GPC5: variants seen among roughly 807,000 people sequenced by gnomAD.
GPC5 encodes the protein glypican-5.
GPC5 carries 47 observed loss-of-function variants against 53.9 expected under a neutral mutation model. The ratio of observed to expected loss-of-function variants is 0.87; its 90% confidence interval spans 0.69 to 1.11. GPC5 has a LOEUF of 1.11. Among genes scored for constraint, GPC5 ranks in the 50% most tolerant of loss-of-function variants. The pLI is 0.00. For missense variants in GPC5, 748 were observed against 713.1 expected (o/e 1.05, Z -0.56); for synonymous variants, 286 against 263.3 (o/e 1.09, Z -0.84).
chr13:91,755,952 T>C (rs373120025), intron 4 of GPC5, among the ~76,000 whole-genome samples: 1 of 151,990 alleles, frequency 6.6e-6, no homozygotes, highest in South Asian at 2.1e-4. Flanking sequence ...CTAAATGAAG[T>C]GATGTCGTTC....
intron 2 of GPC5, among the ~76,000 whole-genome samples, chr13:91,578,253 C>T (rs2032212901): frequency 6.6e-6 from 1 of 152,210 alleles, no homozygotes; most frequent in African/African-American, 2.4e-5. Flanking sequence ...TTAAATGCAA[C>T]CTCATGAGAG....
intron 5 of GPC5, among the ~76,000 whole-genome samples, chr13:91,887,107 T>C (rs1345915202): frequency 6.6e-6 from 1 of 152,170 alleles, no homozygotes; most frequent in Non-Finnish European, 1.5e-5. Flanking sequence ...TCCAGGTGTT[T>C]CCATACATTC....
intron 6 of GPC5, among the ~76,000 whole-genome samples, chr13:92,105,967 T>C (rs1002380296): frequency 5.9e-5 from 9 of 152,120 alleles, no homozygotes; most frequent in Admixed American, 1.3e-4. Context: ...GAATACAGTA[T>C]TTATGTTTTC....
intron 7 of GPC5, among the ~76,000 whole-genome samples, chr13:92,716,042 T>C (rs1888318228): frequency 6.6e-6 from 1 of 152,326 alleles, no homozygotes; most frequent in African/African-American, 2.4e-5. Context: ...TTGTCAATGA[T>C]GAAGAAATAT....
At chr13:91,568,581 AG>A (rs2031641949) in intron 2 of GPC5, among the ~76,000 whole-genome samples, 1 of 151,716 alleles carries the variant, frequency 6.6e-6, no homozygotes, top group Non-Finnish European at 1.5e-5. Context: ...AAGGCATGAA[AG>A]TTTAGTGTTT....
At chr13:92,864,313 T>G (rs1418311099) in intron 7 of GPC5, among the ~76,000 whole-genome samples, 1 of 152,158 alleles carries the variant, frequency 6.6e-6, no homozygotes, top group East Asian at 1.9e-4. Flanking sequence ...AGCATCTGAT[T>G]GAAGGCAGAA....
At chr13:92,735,554 A>T (rs1337841205) in intron 7 of GPC5, among the ~76,000 whole-genome samples, 1 of 152,000 alleles carries the variant, frequency 6.6e-6, no homozygotes, top group African/African-American at 2.4e-5. Context: ...ATATTCTGAA[A>T]TGCTTTTAAA....
At chr13:92,635,107 T>C (rs1293677734) in intron 7 of GPC5, among the ~76,000 whole-genome samples, 1 of 152,098 alleles carries the variant, frequency 6.6e-6, no homozygotes, top group Non-Finnish European at 1.5e-5. Flanking sequence ...AGATAAACCT[T>C]TTATCTGATG....
chr13:92,171,715 T>C (rs1188448860), intron 7 of GPC5, among the ~76,000 whole-genome samples: 2 of 152,198 alleles, frequency 1.3e-5, no homozygotes, highest in South Asian at 4.1e-4. Flanking sequence ...TCTCACTCTG[T>C]ATTTTTCCTG....
chr13:92,459,138 G>C (rs1027802551), intron 7 of GPC5, among the ~76,000 whole-genome samples: 3 of 152,130 alleles, frequency 2.0e-5, no homozygotes, highest in Non-Finnish European at 4.4e-5. Context: ...AAGTGAAACA[G>C]ATTTGATTTT....
intron 7 of GPC5, among the ~76,000 whole-genome samples, chr13:92,543,237 A>G (rs542597247): frequency 6.6e-6 from 1 of 152,006 alleles, no homozygotes; most frequent in African/African-American, 2.4e-5. Context: ...GAAATTCTTT[A>G]TTCTGCTTGA....
chr13:91,891,971 A>G (rs560458653), intron 5 of GPC5, among the ~76,000 whole-genome samples: 182 of 152,138 alleles, frequency 1.2e-3, no homozygotes, highest in Non-Finnish European at 1.9e-3. Flanking sequence ...GGATAAAAAT[A>G]TAGTAAAAGT....
intron 7 of GPC5, among the ~76,000 whole-genome samples, chr13:92,520,897 A>G (rs1881016374): frequency 6.6e-6 from 1 of 152,244 alleles, no homozygotes; most frequent in African/African-American, 2.4e-5. Flanking sequence ...ATCTCAACCC[A>G]AAATCTCCTT....
intron 7 of GPC5, among the ~76,000 whole-genome samples, chr13:92,198,355 G>A (rs2042271713): frequency 6.6e-6 from 1 of 152,100 alleles, no homozygotes; most frequent in Admixed American, 6.6e-5. Context: ...AATTTCTTCT[G>A]TTGATAGGTT....
chr13:91,719,709 G>T (rs969631398), intron 3 of GPC5, among the ~76,000 whole-genome samples: 1 of 152,130 alleles, frequency 6.6e-6, no homozygotes, highest in Non-Finnish European at 1.5e-5. Context: ...AATATAAAAA[G>T]GGGTGATGGA....
chr13:92,840,968 A>G (rs1382997437), intron 7 of GPC5, among the ~76,000 whole-genome samples: 1 of 152,066 alleles, frequency 6.6e-6, no homozygotes, highest in East Asian at 1.9e-4. Flanking sequence ...CCTGTCACTT[A>G]CTGAATTTTC....
intron 6 of GPC5, among the ~76,000 whole-genome samples, chr13:92,025,300 A>G (rs2040791970): frequency 6.6e-6 from 1 of 152,152 alleles, no homozygotes; most frequent in South Asian, 2.1e-4. Flanking sequence ...AAGGCTTTTA[A>G]AGTGATTCTT....
At chr13:92,282,701 T>C (rs1234182828) in intron 7 of GPC5, among the ~76,000 whole-genome samples, 1 of 152,156 alleles carries the variant, frequency 6.6e-6, no homozygotes, top group African/African-American at 2.4e-5. Flanking sequence ...CTGAGAGATT[T>C]TGTCACCACC....
At chr13:91,460,648 A>G (rs1229501641) in intron 2 of GPC5, among the ~76,000 whole-genome samples, 1 of 152,106 alleles carries the variant, frequency 6.6e-6, no homozygotes, top group East Asian at 1.9e-4. Context: ...AAATATTTGC[A>G]GTTTGTGTAA....
Sources: gnomAD v4.1 joint callset for allele counts (sites outside exome capture counted in the v4.1 genomes callset) on GRCh38, gnomAD v4.1.1 for gene constraint, MANE v1.5 for transcripts, NCBI Gene and HGNC (gene_info 2026-07-23, HGNC 2026-07-21) for gene names.